PLD5: variants seen among roughly 807,000 people sequenced by gnomAD.
PLD5 encodes inactive phospholipase D5.
In PLD5, 36 loss-of-function variants were observed where a neutral mutation model predicts 61.1. That is an observed-to-expected ratio of 0.59 (90% confidence interval 0.45 to 0.78). PLD5 has a LOEUF of 0.78. Ranked by LOEUF, PLD5 falls within the 30% of genes least tolerant of loss-of-function variation. PLD5 has a pLI of 0.00. For missense variants in PLD5, 515 were observed against 644.4 expected, an observed-to-expected ratio of 0.80 and a Z score of 2.17; for synonymous variants, 243 against 242.8, an observed-to-expected ratio of 1.00 and a Z score of -0.01.
intron 1 of PLD5, among the ~76,000 whole-genome samples, chr1:242,399,081 T>C (rs1189945784): frequency 6.6e-6 from 1 of 152,206 alleles, no homozygotes; most frequent in Non-Finnish European, 1.5e-5. Context: ...CTTAAGTTTC[T>C]GTGTGCATTT....
intron 1 of PLD5, among the ~76,000 whole-genome samples, chr1:242,484,452 A>T (rs1667889095): frequency 1.3e-5 from 2 of 152,226 alleles, no homozygotes; most frequent in Non-Finnish European, 2.9e-5. Context: ...TAAACTAGAA[A>T]ATCTAGAAGA....
At chr1:242,354,606 T>C (rs865818168) in intron 1 of PLD5, among the ~76,000 whole-genome samples, 4 of 152,122 alleles carry the variant, frequency 2.6e-5, no homozygotes, top group African/African-American at 9.7e-5. Flanking sequence ...CCTTTTCTAT[T>C]TGGATGCCTT....
intron 1 of PLD5, among the ~76,000 whole-genome samples, chr1:242,501,712 G>A (rs1668559671): frequency 6.6e-6 from 1 of 150,738 alleles, no homozygotes; most frequent in South Asian, 2.1e-4. Context: ...TTCTATGGCT[G>A]GAAAAAAATA....
intron 5 of PLD5, among the ~76,000 whole-genome samples, chr1:242,211,950 C>T (rs1254039424): frequency 6.6e-6 from 1 of 152,186 alleles, no homozygotes; most frequent in Admixed American, 6.5e-5. Flanking sequence ...TCCCAAAACC[C>T]ATGGTTCCCT....
chr1:242,184,099 C>T (rs1022058841), intron 5 of PLD5, among the ~76,000 whole-genome samples: 12 of 152,162 alleles, frequency 7.9e-5, no homozygotes, highest in Non-Finnish European at 1.2e-4. Context: ...CTTTTCAAAC[C>T]TTGGAATCGA....
intron 2 of PLD5, among the ~76,000 whole-genome samples, chr1:242,294,644 T>C (rs1441954011): frequency 5.3e-5 from 8 of 152,206 alleles, no homozygotes; most frequent in Admixed American, 5.2e-4. Flanking sequence ...AACAAATTAC[T>C]AACCTCTTTC....
intron 1 of PLD5, among the ~76,000 whole-genome samples, chr1:242,348,729 C>T (rs1422573996): frequency 1.3e-5 from 2 of 152,146 alleles, no homozygotes; most frequent in Non-Finnish European, 2.9e-5. Flanking sequence ...TGGGCCATAA[C>T]TTGGTTTTAT....
intron 5 of PLD5, among the ~76,000 whole-genome samples, chr1:242,147,001 T>C (rs1664589934): frequency 6.6e-6 from 1 of 152,138 alleles, no homozygotes; most frequent in South Asian, 2.1e-4. Context: ...TTTAAGAAAA[T>C]TTTATTTTCC....
In PLD5 at chr1:242,085,214, T is replaced by G. The variant is rs964639298; in HGVS notation, c.*4640A>C. On this transcript the variant is annotated 3_prime_UTR_variant, in exon 10 of 10. Coordinates refer to ENST00000536534, the MANE Select transcript of PLD5 (RefSeq NM_001372062.1). ...TAGTTGAACATAGCAAAAGAAAATG[T>G]GTAATAGTCTATTAAATGTAACTTT... 2.6e-5 allele frequency: 4 copies of G among 152,174 alleles called. No individual in the cohort carries two copies. Among genetic ancestry groups the G allele is most frequent in the African/African-American group, 7.2e-5 (3 of 41,440 alleles). 9.4% of individuals were successfully genotyped at this position (152,174 alleles called of 1,614,324 possible).
chr1:242,220,439 C>T (rs1404192198), intron 4 of PLD5, among the ~76,000 whole-genome samples: 2 of 152,188 alleles, frequency 1.3e-5, no homozygotes, highest in East Asian at 1.9e-4. Flanking sequence ...ATCCCGGCTG[C>T]ACCACTTACC....
intron 1 of PLD5, chr1:242,449,381 T>C: frequency 6.5e-7 from 1 of 1,536,092 alleles, no homozygotes; most frequent in Non-Finnish European, 8.7e-7. Flanking sequence ...CTTCCCTCCC[T>C]GCGGAGTCCA....
chr1:242,526,455 G>C (rs2103017530), upstream of PLD5, among the ~76,000 whole-genome samples: 1 of 152,214 alleles, frequency 6.6e-6, no homozygotes, highest in African/African-American at 2.4e-5. Context: ...TTTTGTTTTT[G>C]AGATGGAGTC....
chr1:242,270,342 G>A (rs1409337023), intron 3 of PLD5, among the ~76,000 whole-genome samples: 1 of 151,582 alleles, frequency 6.6e-6, no homozygotes, highest in Non-Finnish European at 1.5e-5. Context: ...AGACCACTTA[G>A]ATCAATAATC....
intron 3 of PLD5, among the ~76,000 whole-genome samples, chr1:242,282,664 T>C (rs1212310247): frequency 2.6e-5 from 4 of 151,938 alleles, no homozygotes; most frequent in African/African-American, 9.7e-5. Context: ...ATTCATAGAG[T>C]GTGAGATTTT....
chr1:242,444,209 A>G (rs1403356110), intron 1 of PLD5, among the ~76,000 whole-genome samples: 8 of 152,110 alleles, frequency 5.3e-5, no homozygotes, highest in Non-Finnish European at 1.0e-4. Context: ...CACCATCTTC[A>G]AGGAGAAACT....
intron 1 of PLD5, among the ~76,000 whole-genome samples, chr1:242,356,670 T>C (rs1660769847): frequency 6.6e-6 from 1 of 151,670 alleles, no homozygotes; most frequent in South Asian, 2.1e-4. Context: ...TAGTTTGCTA[T>C]GGTGTATGGT....
At chr1:242,493,175 G>A (rs771448519) in intron 1 of PLD5, among the ~76,000 whole-genome samples, 10 of 152,108 alleles carry the variant, frequency 6.6e-5, no homozygotes, top group Non-Finnish European at 1.0e-4. Context: ...TATTCAGAAT[G>A]TCTTACTTGC....
intron 2 of PLD5, among the ~76,000 whole-genome samples, chr1:242,339,474 T>C (rs2149211146): frequency 6.6e-6 from 1 of 152,346 alleles, no homozygotes; most frequent in South Asian, 2.1e-4. Flanking sequence ...GCAGATGACC[T>C]TTGAAGGCAT....
At chr1:242,396,413 C>A (rs983853146) in intron 1 of PLD5, among the ~76,000 whole-genome samples, 1 of 152,112 alleles carries the variant, frequency 6.6e-6, no homozygotes, top group South Asian at 2.1e-4. Context: ...CCCCACTTTG[C>A]CCTCCAGCTA....
Sources: gnomAD v4.1 joint callset for allele counts (sites outside exome capture counted in the v4.1 genomes callset) on GRCh38, gnomAD v4.1.1 for gene constraint, MANE v1.5 for transcripts, NCBI Gene and HGNC (gene_info 2026-07-23, HGNC 2026-07-21) for gene names.